SZRD1: variants seen among roughly 807,000 people sequenced by gnomAD.
SZRD1 encodes SUZ RNA-binding domain-containing.
Under a neutral mutation model 17.6 loss-of-function variants are expected in SZRD1, and 7 were observed. That is an observed-to-expected ratio of 0.40 (90% CI 0.23 to 0.75). SZRD1 has a LOEUF of 0.75. Among genes scored for constraint, SZRD1 ranks in the 30% least tolerant of loss-of-function variants. The pLI is 0.38. For missense variants in SZRD1, 178 were observed against 201.8 expected, an observed-to-expected ratio of 0.88 and a Z score of 0.71; for synonymous variants, 77 against 77.9, an observed-to-expected ratio of 0.99 and a Z score of 0.06.
intron 1 of SZRD1, among the ~76,000 whole-genome samples, chr1:16,380,827 G>A (rs943330296): frequency 1.3e-5 from 2 of 151,702 alleles, no homozygotes; most frequent in Non-Finnish European, 2.9e-5. Flanking sequence ...GGCTGGTCTC[G>A]AACTCCTGAG....
intron 1 of SZRD1, among the ~76,000 whole-genome samples, chr1:16,388,926 G>T (rs2085173190): frequency 6.6e-6 from 1 of 151,828 alleles, no homozygotes; most frequent in South Asian, 2.1e-4. Flanking sequence ...GGGATTACAG[G>T]CATAAGCCAC....
chr1:16,380,497 C>T (rs532906070), intron 1 of SZRD1, among the ~76,000 whole-genome samples: 5 of 151,768 alleles, frequency 3.3e-5, no homozygotes, highest in African/African-American at 1.2e-4. Context: ...TGGAGTTTCT[C>T]TCTTGCTGCC....
chr1:16,385,913 C>G (rs953990819), intron 1 of SZRD1, among the ~76,000 whole-genome samples: 2 of 152,170 alleles, frequency 1.3e-5, no homozygotes, highest in Non-Finnish European at 2.9e-5. Context: ...CCAGCCCTGT[C>G]GAGAACCACC....
At chr1:16,377,461 T>C (rs1256822500) in intron 1 of SZRD1, among the ~76,000 whole-genome samples, 3 of 150,990 alleles carry the variant, frequency 2.0e-5, no homozygotes, top group African/African-American at 7.3e-5. Flanking sequence ...CGTGTGCACC[T>C]GTAATCCCAG....
At chr1:16,389,268 AG>A (rs1198857743) in intron 1 of SZRD1, among the ~76,000 whole-genome samples, 1 of 27,052 alleles carries the variant, frequency 3.7e-5, no homozygotes, top group Non-Finnish European at 8.2e-5. Context: ...TATTTTTTTG[AG>A]GGGGGGTGGG....
chr1:16,395,104 T>A lies in SZRD1; in HGVS notation c.423T>A (p.Gly141=), dbSNP rs1225959718. ...QPNNVIRQPL[G]PDGSQGFKQR... ...ATAATGTGATCAGACAGCCTTTGGG[T>A]CCTGATGGGTCTCAAGGCTTCAAAC... Residue 141 remains glycine (G), a synonymous_variant, in exon 4 of 4, where the codon GGT becomes GGA. Transcript: ENST00000401088. 6.8e-6 allele frequency: 11 copies of A among 1,613,638 alleles called. No homozygotes were observed. Among genetic ancestry groups the A allele is most frequent in the Non-Finnish European group, 9.3e-6 (11 of 1,179,648 alleles).
chr1:16,367,331 T>C lies in SZRD1; in HGVS notation c.51+23T>C, dbSNP rs1027186604. The stretch of plus-strand genomic sequence containing the variant: ...GGGGTAAGGAGGAGCCGCCGTCCCA[T>C]GGCAGGGCCGGGCGAGACCTGGCGT... On this transcript the variant is annotated intron_variant, in intron 1 of 3. Transcript: ENST00000401088. 2.6e-6 allele frequency: 4 copies of C among 1,546,636 alleles called. No individual in the cohort carries two copies. In the African/African-American group the frequency reaches 4.1e-5, roughly 16 times the overall value.
chr1:16,387,611 T>C (rs1173371450), intron 1 of SZRD1: 2 of 456,722 alleles, frequency 4.4e-6, no homozygotes, highest in East Asian at 6.9e-5. Flanking sequence ...GAGTGGAGTT[T>C]GGCTGCTTGC....
Position 16,369,749 on chromosome 1 carries a change from C to T in SZRD1, c.51+2441C>T, listed in dbSNP as rs12126229. Among the ~76,000 whole-genome samples, 1,029 of 152,082 alleles carry T rather than the reference C, an allele frequency of 6.8e-3. 7 individuals carry two copies. The highest frequency in any genetic ancestry group is 0.02 in the Middle Eastern group (6 of 294). On this transcript the variant is annotated intron_variant, in intron 1 of 3. Coordinates refer to ENST00000401088, the MANE Select transcript of SZRD1 (RefSeq NM_001114600.3). ...ACTAAAAATACAAAAATTAGCTGGA[C>T]CCTATGGTACATACCTGTAATCCTA...
rs1435917559 is a variant in SZRD1 at position 16,397,550 on chromosome 1, T to C, written c.*2410T>C. The C allele has an allele frequency of 6.6e-6, 1 of 152,254 alleles. No individual in the cohort carries two copies. The highest frequency in any genetic ancestry group is 1.5e-5 in the Non-Finnish European group (1 of 68,072). The allele number at this position is 152,254 out of a possible 1,614,324, so 9.4% of individuals were successfully genotyped here. A position where few individuals can be genotyped will look rare whatever the true frequency, so the allele number is the denominator to read the frequency against. On this transcript the variant is annotated 3_prime_UTR_variant, in exon 4 of 4. Coordinates refer to ENST00000401088, the MANE Select transcript of SZRD1 (RefSeq NM_001114600.3). This position sits in a 1 kb window ranked among gnomAD's most constrained non-coding sequence, Gnocchi z 5.4. ...ATGGGGGGCAGAAACCTGAGGCTGC[T>C]GCCCCTTTATCTGCCTTCACGGTAC...
chr1:16,389,908 GGT>G (rs1216800702), intron 1 of SZRD1, among the ~76,000 whole-genome samples: 2 of 152,178 alleles, frequency 1.3e-5, no homozygotes, highest in African/African-American at 4.8e-5. Context: ...AATAAATTAA[GGT>G]TGCCCAGACT....
chr1:16,392,611 C>G (rs776441707), intron 2 of SZRD1, among the ~76,000 whole-genome samples: 12 of 152,218 alleles, frequency 7.9e-5, no homozygotes, highest in African/African-American at 2.9e-4. Flanking sequence ...GGAGGTTTCT[C>G]TGTTCAGAAG....
chr1:16,383,776 C>T (rs1309374522), intron 1 of SZRD1, among the ~76,000 whole-genome samples: 5 of 151,636 alleles, frequency 3.3e-5, no homozygotes, highest in African/African-American at 4.8e-5. Flanking sequence ...TGCGCCACCA[C>T]GCCTGGCTAA....
chr1:16,390,249 G>A (rs1291630572), intron 1 of SZRD1, among the ~76,000 whole-genome samples: 3 of 152,160 alleles, frequency 2.0e-5, no homozygotes, highest in African/African-American at 4.8e-5. Flanking sequence ...TTCTGTGCAC[G>A]GCCTCTCCCC....
chr1:16,394,245 A>T (rs1201983228), intron 3 of SZRD1, among the ~76,000 whole-genome samples: 2 of 152,100 alleles, frequency 1.3e-5, no homozygotes, highest in African/African-American at 4.8e-5. Flanking sequence ...TTTCTCCTCT[A>T]AGTCTTCACC....
chr1:16,394,971 TAAAG>T (rs2085285210), intron 3 of SZRD1, 63 bp from the exon 4 acceptor site: 2 of 945,286 alleles, frequency 2.1e-6, no homozygotes, highest in Admixed American at 2.3e-5. Context: ...AAATAAAAAA[TAAAG>T]AAATGATGGG....
At chr1:16,388,700 T>A (rs2085168707) in intron 1 of SZRD1, among the ~76,000 whole-genome samples, 1 of 148,710 alleles carries the variant, frequency 6.7e-6, no homozygotes, top group Non-Finnish European at 1.5e-5. Flanking sequence ...TTTTTTTTTT[T>A]TTTGAGACAG....
At chr1:16,394,417 G>GC (rs2085271088) in intron 3 of SZRD1, among the ~76,000 whole-genome samples, 1 of 152,180 alleles carries the variant, frequency 6.6e-6, no homozygotes, top group African/African-American at 2.4e-5. Flanking sequence ...AAATGGTTCT[G>GC]CGGAGCATGT....
Position 16,391,294 on chromosome 1 carries a change from G to A in SZRD1, c.52-81G>A. ...TGTCCCTGGCTAGAGAAAGGACACT[G>A]CCCTTAGCTCCAAAAATAAAGACTA... is the stretch of plus-strand genomic sequence containing the variant. On this transcript the variant is annotated intron_variant, in intron 1 of 3. Transcript: ENST00000401088. This position sits in a 1 kb window ranked among gnomAD's most constrained non-coding sequence, Gnocchi z 4.3. 1 of 1,028,948 alleles carries A rather than the reference G, an allele frequency of 9.7e-7. No homozygotes were observed. 63.7% of individuals were successfully genotyped at this position (1,028,948 alleles called of 1,614,324 possible).
Sources: gnomAD v4.1 joint callset for allele counts (sites outside exome capture counted in the v4.1 genomes callset) on GRCh38, gnomAD v4.1.1 for gene constraint, Gnocchi (gnomAD v3.1) non-coding constraint, MANE v1.5 for transcripts, NCBI Gene and HGNC (gene_info 2026-07-23, HGNC 2026-07-21) for gene names.